The following LPP variants were observed in gnomAD, a reference collection of about 807,000 sequenced individuals.
The protein encoded by LPP is LIM domain containing preferred translocation partner in lipoma, also known as lipoma-preferred partner.
LPP carries 38 observed loss-of-function variants against 60.4 expected under a neutral mutation model. The observed-to-expected ratio is 0.63, with a 90% CI of 0.49 to 0.83. The LOEUF (loss-of-function observed/expected upper bound fraction) is 0.83, where lower values mean the gene tolerates loss of function less well. LPP is among the 40% of genes least tolerant of loss of function. The pLI is 0.00. For synonymous variants in LPP, 328 were observed against 290.8 expected (o/e 1.13, Z -1.30); for missense variants, 902 against 783.6 (o/e 1.15, Z -1.80).
chr3:188,530,682 A>G (rs1035507039), intron 6 of LPP, among the ~76,000 whole-genome samples: 13 of 152,198 alleles, frequency 8.5e-5, no homozygotes, highest in African/African-American at 3.1e-4. Flanking sequence ...TTCCTTTAGT[A>G]TCACAATTGG....
chr3:188,645,577 G>A (rs1161617384), intron 7 of LPP, among the ~76,000 whole-genome samples: 1 of 152,048 alleles, frequency 6.6e-6, no homozygotes, highest in South Asian at 2.1e-4. Flanking sequence ...AGACAAATGC[G>A]CAGTAATACC....
At chr3:188,730,427 G>A (rs1160098018) in intron 8 of LPP, among the ~76,000 whole-genome samples, 1 of 152,194 alleles carries the variant, frequency 6.6e-6, no homozygotes, top group East Asian at 1.9e-4. Flanking sequence ...ACAGTGTTTG[G>A]TAGTTATGAA....
chr3:188,804,869 C>T (rs1050954605), intron 9 of LPP, among the ~76,000 whole-genome samples: 3 of 151,954 alleles, frequency 2.0e-5, no homozygotes, highest in African/African-American at 7.2e-5. Context: ...AGCAAGTTTC[C>T]TTCTTTTCAT....
chr3:188,321,253 A>G (rs1283178283), intron 2 of LPP, among the ~76,000 whole-genome samples: 1 of 152,252 alleles, frequency 6.6e-6, no homozygotes, highest in Non-Finnish European at 1.5e-5. Context: ...GCTGTATAAT[A>G]TGGCAGCCAC....
intron 3 of LPP, among the ~76,000 whole-genome samples, chr3:188,361,668 G>A (rs990907514): frequency 4.0e-4 from 61 of 151,818 alleles, no homozygotes; most frequent in African/African-American, 1.4e-3. Context: ...CCGGGTCCAA[G>A]CGATTCTCAT....
At chr3:188,446,720 C>T (rs932252455) in intron 4 of LPP, among the ~76,000 whole-genome samples, 6 of 152,202 alleles carry the variant, frequency 3.9e-5, no homozygotes, top group African/African-American at 1.2e-4. Flanking sequence ...CTTCAAAAAA[C>T]CCTTTGGTTT....
chr3:188,257,520 A>T (rs1732060269), intron 2 of LPP, among the ~76,000 whole-genome samples: 1 of 152,250 alleles, frequency 6.6e-6, no homozygotes, highest in Non-Finnish European at 1.5e-5. Context: ...CATGTAGTTT[A>T]AACAGACTGG....
intron 1 of LPP, among the ~76,000 whole-genome samples, chr3:188,154,541 A>G (rs751502702): frequency 7.9e-5 from 12 of 152,154 alleles, no homozygotes; most frequent in Non-Finnish European, 1.5e-4. Flanking sequence ...GGGCGGGGCC[A>G]CGCCCATCCG....
chr3:188,336,102 G>A (rs1761550193), intron 2 of LPP, among the ~76,000 whole-genome samples: 1 of 152,152 alleles, frequency 6.6e-6, no homozygotes, highest in African/African-American at 2.4e-5. Context: ...AAGGGCTTTT[G>A]AGGTCCTCCT....
chr3:188,165,293 T>C (rs1301330772), intron 1 of LPP, among the ~76,000 whole-genome samples: 3 of 149,816 alleles, frequency 2.0e-5, no homozygotes, highest in Non-Finnish European at 4.4e-5. Flanking sequence ...AAAAAAAAAG[T>C]CTGATGGCTC....
intron 7 of LPP, among the ~76,000 whole-genome samples, chr3:188,645,278 GAAAT>G (rs1850901403): frequency 6.8e-6 from 1 of 146,206 alleles, no homozygotes. Flanking sequence ...TGGAAGGAAA[GAAAT>G]AAGGAAGGGT....
chr3:188,203,526 A>AT (rs1553811237), intron 1 of LPP, among the ~76,000 whole-genome samples: 1 of 32,462 alleles, frequency 3.1e-5, no homozygotes, highest in Non-Finnish European at 7.1e-5. Context: ...AATATATATA[A>AT]ATATATATTT....
At chr3:188,783,816 A>G (rs1334827268) in intron 9 of LPP, among the ~76,000 whole-genome samples, 2 of 151,944 alleles carry the variant, frequency 1.3e-5, no homozygotes, top group Admixed American at 6.6e-5. Flanking sequence ...GACATCAGGG[A>G]CTTCCATGTT....
chr3:188,836,637 C>T (rs1026487344), intron 9 of LPP, among the ~76,000 whole-genome samples: 4 of 152,184 alleles, frequency 2.6e-5, no homozygotes, highest in Admixed American at 1.3e-4. Context: ...CTATTAGATG[C>T]GCTCCCTAGG....
Position 188,576,154 on chromosome 3 carries a change from G to A in LPP, c.430-33007G>A, listed in dbSNP as rs147759634. Among the ~76,000 whole-genome samples the A allele has an allele frequency of 2.0e-3, 299 of 152,294 alleles. 2 individuals are homozygous for A. The highest frequency in any genetic ancestry group is 6.7e-3 in the African/African-American group (278 of 41,558). On this transcript the variant is annotated intron_variant, in intron 6 of 11. Transcript: ENST00000617246. ...ATCCAGACTTGATTCAGGAAAGGTC[G>A]TAGCCCTTTGATATTCTTTGGTCTT...
rs56733573 is a variant in LPP at position 188,679,519 on chromosome 3, C to CTGTGTG, written c.1114-28709_1114-28704dup. ...TTAGTTTGCCAAAACTTTGAATACT[C>CTGTGTG]TGTGTGTGTGTGTGTGTGTGTGTGT... On this transcript the variant is annotated intron_variant, in intron 7 of 11. Transcript: ENST00000617246. 3.0e-3 allele frequency among the ~76,000 whole-genome samples: 425 copies of CTGTGTG among 143,188 alleles called. 3 individuals carry two copies. Among genetic ancestry groups the CTGTGTG allele is most frequent in the African/African-American group, 0.011 (408 of 38,292 alleles). The allele number at this position is 143,188 out of a possible 152,430, so 93.9% of individuals were successfully genotyped here.
intron 4 of LPP, among the ~76,000 whole-genome samples, chr3:188,454,673 G>A (rs1160559500): frequency 1.3e-5 from 2 of 152,142 alleles, no homozygotes. Context: ...ATCATGGTGG[G>A]AGGTGAAAGG....
At chr3:188,564,425 A>C (rs1002383196) in intron 6 of LPP, among the ~76,000 whole-genome samples, 2 of 152,072 alleles carry the variant, frequency 1.3e-5, no homozygotes, top group African/African-American at 4.8e-5. Context: ...AGAGAGACAC[A>C]AAATAAACTC....
intron 1 of LPP, among the ~76,000 whole-genome samples, chr3:188,161,812 C>T (rs4686476): frequency 0.36 from 54,430 of 152,030 alleles, 9,885 homozygotes; most frequent in Admixed American, 0.4. Flanking sequence ...AGGCTTGAAA[C>T]TTGCGCTTCA....
Sources: gnomAD v4.1 joint callset for allele counts (sites outside exome capture counted in the v4.1 genomes callset) on GRCh38, gnomAD v4.1.1 for gene constraint, MANE v1.5 for transcripts, NCBI Gene and HGNC (gene_info 2026-07-23, HGNC 2026-07-21) for gene names.